The following TGOLN2 variants were observed in gnomAD, a reference collection of about 807,000 sequenced individuals.
TGOLN2 encodes the protein trans-Golgi network integral membrane protein 2.
Under a neutral mutation model 31.3 loss-of-function variants are expected in TGOLN2, and 19 were observed. The ratio of observed to expected loss-of-function variants is 0.61; its 90% confidence interval spans 0.42 to 0.89. The LOEUF is 0.89. Ranked by LOEUF, TGOLN2 falls within the 40% of genes least tolerant of loss-of-function variation. The probability of loss-of-function intolerance (pLI) is 0.00; values close to 1 mark genes in which losing one functional copy is unlikely to be tolerated. For missense variants in TGOLN2, 540 were observed against 559.2 expected, an observed-to-expected ratio of 0.97 and a Z score of 0.35; for synonymous variants, 222 against 226.7, an observed-to-expected ratio of 0.98 and a Z score of 0.19.
In TGOLN2 at chr2:85,326,796, A is replaced by C. The variant is rs1682748446; in HGVS notation, c.936T>G (p.Val312=). Reference sequence around the variant, plus strand: ...CATCCTCAGTAGGCTCTGAAGACTTAACTTCCTCCTGCGGGGGAGAAATGA... The same window carrying C: ...CATCCTCAGTAGGCTCTGAAGACTTCACTTCCTCCTGCGGGGGAGAAATGA... ...TDLISPPQEE[V]KSSEPTEDVE... is the part of the protein sequence containing the mutation. Residue 312 remains valine, a synonymous_variant, in exon 2 of 4, where the codon GTT becomes GTG. Coordinates refer to ENST00000377386, the MANE Select transcript of TGOLN2 (RefSeq NM_006464.4). 1 of 1,613,992 alleles carries C rather than the reference A, an allele frequency of 6.2e-7. No individual in the cohort carries two copies. The highest frequency in any genetic ancestry group is 2.2e-5 in the East Asian group (1 of 44,874).
At position 85,327,187 on chromosome 2, in the gene TGOLN2, G is replaced by A. The variant is rs976929094; in HGVS notation, c.545C>T (p.Ser182Leu). ...AQTTKDVPNKSGADGQTPKDG... is the reference protein window; with the variant it reads ...AQTTKDVPNKLGADGQTPKDG... ...TTTTGGGGTCTGGCCGTCCGCACCC[G>A]ACTTATTAGGGACATCTTTTGTGGT... Residue 182 changes from serine to leucine, a missense_variant, in exon 2 of 4, where the codon TCG (serine) becomes TTG (leucine). Physicochemically the swap from Ser to Leu is moderately radical, Grantham distance 145. Transcript: ENST00000377386. 15 of 1,613,266 alleles carry A rather than the reference G, an allele frequency of 9.3e-6. No homozygotes were observed. Among genetic ancestry groups the A allele is most frequent in the African/African-American group, 1.3e-5 (1 of 74,664 alleles).
At position 85,324,947 on chromosome 2, in the gene TGOLN2, T is replaced by C; in HGVS notation, c.1276A>G (p.Lys426Glu). The C allele has an allele frequency of 6.4e-7, 1 of 1,555,416 alleles. No individual in the cohort carries two copies. Among genetic ancestry groups the C allele is most frequent in the Non-Finnish European group, 8.7e-7 (1 of 1,148,628 alleles). The change falls in exon 3 of 4, where the codon AAG becomes GAG. Residue 426 changes from lysine to glutamate, a missense_variant. Physicochemically the swap from Lys to Glu is moderately conservative, Grantham distance 56. Coordinates refer to ENST00000377386, the MANE Select transcript of TGOLN2 (RefSeq NM_006464.4). ...GKRSKVTRRP[K>E]ASDYQRLDQK... Reference sequence around the variant, plus strand: ...TCCAAACGTTGGTAGTCACTGGCCTTTGGCCGCCGGGTGACTTTAGATCTT... The same window carrying C: ...TCCAAACGTTGGTAGTCACTGGCCTCTGGCCGCCGGGTGACTTTAGATCTT...
chr2:85,323,206 G>A (rs1285942757), intron 3 of TGOLN2, among the ~76,000 whole-genome samples: 2 of 152,216 alleles, frequency 1.3e-5, no homozygotes, highest in African/African-American at 4.8e-5. Context: ...GACCTCAGGT[G>A]ATCTGCCTCC....
Position 85,326,694 on chromosome 2 carries a change from CAT to C in TGOLN2, c.1036_1037del (p.Met346ValfsTer7). 1.2e-6 allele frequency: 2 copies of C among 1,614,052 alleles called. No homozygotes were observed. Among genetic ancestry groups the C allele is most frequent in the Non-Finnish European group, 1.7e-6 (2 of 1,179,896 alleles). On this transcript the variant is annotated frameshift_variant, in exon 2 of 4. Coordinates refer to ENST00000377386, the MANE Select transcript of TGOLN2 (RefSeq NM_006464.4). LOFTEE classifies it high-confidence loss of function. Reference sequence around the variant, plus strand: ...GGTTCTCACTGGAGGCAGAACCGGACATCTTTTCTTTCTCTTCTTTGGGCGGT... The same window carrying C: ...GGTTCTCACTGGAGGCAGAACCGGACCTTTTCTTTCTCTTCTTTGGGCGGT... ...GSPPKEEKEK[M>X]SGSASSENRE...
intron 3 of TGOLN2, among the ~76,000 whole-genome samples, chr2:85,323,541 G>A (rs1682620798): frequency 6.6e-6 from 1 of 152,170 alleles, no homozygotes; most frequent in Non-Finnish European, 1.5e-5. Context: ...ACTCCAGCCT[G>A]GACGACACAG....
chr2:85,327,863 G>A, intron 1 of TGOLN2, 54 bp downstream of exon 1: 2 of 1,579,560 alleles, frequency 1.3e-6, no homozygotes, highest in Non-Finnish European at 1.7e-6. Context: ...GACCTGCCCA[G>A]GTGAGAATGG....
Position 85,320,677 on chromosome 2 carries a change from A to C in TGOLN2, c.*2059T>G, listed in dbSNP as rs1682515840. ...AAAGACTTGGGAATCACTCACTCCG[A>C]GGATGAAGAATGGGTTAATGGCTGA... On this transcript the variant is annotated 3_prime_UTR_variant, in exon 4 of 4. Coordinates refer to ENST00000377386, the MANE Select transcript of TGOLN2 (RefSeq NM_006464.4). The C allele has an allele frequency of 6.6e-6, 1 of 152,204 alleles. No homozygotes were observed. Among genetic ancestry groups the C allele is most frequent in the East Asian group, 1.9e-4 (1 of 5,198 alleles). 9.4% of individuals were successfully genotyped at this position (152,204 alleles called of 1,614,324 possible). A position where few individuals can be genotyped will look rare whatever the true frequency, so the allele number is the denominator to read the frequency against.
intron 3 of TGOLN2, among the ~76,000 whole-genome samples, chr2:85,324,157 T>C (rs1682647791): frequency 6.6e-6 from 1 of 152,180 alleles, no homozygotes; most frequent in Non-Finnish European, 1.5e-5. Flanking sequence ...GCACGGTGGC[T>C]TATGCCTGTA....
In TGOLN2 at chr2:85,327,176, C is replaced by T. The variant is rs1490705702; in HGVS notation, c.556G>A (p.Gly186Ser). 1.9e-6 allele frequency: 3 copies of T among 1,612,240 alleles called. No homozygotes were observed. In the African/African-American group the frequency reaches 4.0e-5, roughly 22 times the overall value. Reference protein sequence around the residue: ...KDVPNKSGADGQTPKDGSSKS... With the variant: ...KDVPNKSGADSQTPKDGSSKS... ...CTGGAGCCGTCTTTTGGGGTCTGGC[C>T]GTCCGCACCCGACTTATTAGGGACA... Residue 186 changes from glycine (G) to serine (S), a missense_variant, in exon 2 of 4, where the codon GGC becomes AGC. Physicochemically the swap from Gly to Ser is moderately conservative, Grantham distance 56. Transcript: ENST00000377386.
At chr2:85,325,563 G>C (rs1445263278) in intron 2 of TGOLN2, among the ~76,000 whole-genome samples, 1 of 151,688 alleles carries the variant, frequency 6.6e-6, no homozygotes, top group East Asian at 1.9e-4. Context: ...CTGAAGCCTC[G>C]ACCTCCCACA....
In TGOLN2 at chr2:85,326,595, G is replaced by T. The variant is rs753972906; in HGVS notation, c.1137C>A (p.Ser379Arg). 1 of 1,613,860 alleles carries T rather than the reference G, an allele frequency of 6.2e-7. No individual in the cohort carries two copies. The highest frequency in any genetic ancestry group is 8.5e-7 in the Non-Finnish European group (1 of 1,179,910). ...ATGCAAAGAAGTGGCTGCTCTCCGC[G>T]CTGCCATTTCCAGAACCGTTCGGAT... Reference protein sequence around the residue: ...DLYPNGSGNGSAESSHFFAYL... With the variant: ...DLYPNGSGNGRAESSHFFAYL... The change falls in exon 2 of 4, where the codon AGC becomes AGA. Residue 379 changes from serine to arginine, a missense_variant. Physicochemically the swap from Ser to Arg is moderately radical, Grantham distance 110 (BLOSUM62 -1). Coordinates refer to ENST00000377386, the MANE Select transcript of TGOLN2 (RefSeq NM_006464.4).
Position 85,327,277 on chromosome 2 carries a change from T to A in TGOLN2, c.455A>T (p.Asn152Ile). The change falls in exon 2 of 4, where the codon AAC becomes ATC. Residue 152 changes from asparagine (N) to isoleucine (I), a missense_variant. By Grantham distance (149) the Asn-to-Ile change is moderately radical. Coordinates refer to ENST00000377386, the MANE Select transcript of TGOLN2 (RefSeq NM_006464.4). Reference protein sequence around the residue: ...AEAQTPEDSPNRSGAEAKTQK... With the variant: ...AEAQTPEDSPIRSGAEAKTQK... ...GGTCTTTGCCTCCGCACCCGACCTG[T>A]TGGGGCTGTCTTCTGGGGTCTGCGC... The A allele has an allele frequency of 6.2e-7, 1 of 1,610,892 alleles. No homozygotes were observed. Among genetic ancestry groups the A allele is most frequent in the African/African-American group, 1.3e-5 (1 of 74,758 alleles).
In TGOLN2 at chr2:85,322,747, G is replaced by A. The variant is rs1682591788; in HGVS notation, c.1309-6C>T. 1.2e-6 allele frequency: 2 copies of A among 1,610,890 alleles called. No individual in the cohort carries two copies. The highest frequency in any genetic ancestry group is 2.7e-5 in the African/African-American group (2 of 74,752). ...AATATACCATTCTGTTAGGACTTAGGGGAAAAAAGATCTTTTAGGAGGTGC... is the reference window on the plus strand; with the variant it reads ...AATATACCATTCTGTTAGGACTTAGAGGAAAAAAGATCTTTTAGGAGGTGC... On this transcript the variant is annotated splice_polypyrimidine_tract_variant and splice_region_variant and intron_variant, in intron 3 of 3. Coordinates refer to ENST00000377386, the MANE Select transcript of TGOLN2 (RefSeq NM_006464.4).
chr2:85,327,735 G>C, intron 1 of TGOLN2, 50 bp from the exon 2 acceptor site: 1 of 1,302,308 alleles, frequency 7.7e-7, no homozygotes, highest in South Asian at 1.2e-5. Context: ...CGGGAAGAAG[G>C]AACTCCTCAG....
intron 3 of TGOLN2, 134 bp downstream of exon 3, chr2:85,324,781 T>TGCAACA (rs1469869291): frequency 7.7e-6 from 6 of 775,780 alleles, no homozygotes; most frequent in African/African-American, 1.7e-5. Context: ...AAAGGGCGAA[T>TGCAACA]GCAACAGCAA....
At position 85,327,441 on chromosome 2, in the gene TGOLN2, C is replaced by G; in HGVS notation, c.291G>C (p.Lys97Asn). The G allele has an allele frequency of 1.2e-6, 2 of 1,613,008 alleles. No homozygotes were observed. The highest frequency in any genetic ancestry group is 1.7e-6 in the Non-Finnish European group (2 of 1,179,370). The part of the protein sequence containing the change: ...EAKTQKDSSN[K>N]SGAEAKTQKG... ...TTTGGGTCTTTGCCTCCGCACCCGA[C>G]TTGTTGGAGCTGTCTTTTTGGGTCT... Residue 97 changes from lysine to asparagine, a missense_variant, in exon 2 of 4, where the codon AAG (lysine) becomes AAC (asparagine). Coordinates refer to ENST00000377386, the MANE Select transcript of TGOLN2 (RefSeq NM_006464.4).
intron 1 of TGOLN2, 91 bp from the exon 2 acceptor site, chr2:85,327,776 T>A: frequency 1.7e-5 from 5 of 290,412 alleles, no homozygotes; most frequent in African/African-American, 1.3e-4. Context: ...AGCGGGGGAA[T>A]GGGGATTGGG....
chr2:85,325,055 T>C, intron 2 of TGOLN2, 57 bp from the exon 3 acceptor site: 1 of 1,501,918 alleles, frequency 6.7e-7, no homozygotes, highest in Non-Finnish European at 9.1e-7. Context: ...CATAGTTCAG[T>C]CTCTGAACTC....
At position 85,327,562 on chromosome 2, in the gene TGOLN2, T is replaced by C. The variant is rs1337567368; in HGVS notation, c.170A>G (p.His57Arg). 6.2e-7 allele frequency: 1 copy of C among 1,614,062 alleles called. No homozygotes were observed. Among genetic ancestry groups the C allele is most frequent in the African/African-American group, 1.3e-5 (1 of 75,058 alleles). ...SQRPGGSTKSHPEPQTPKDSP... is the reference protein window; with the variant it reads ...SQRPGGSTKSRPEPQTPKDSP... ...GTCTTTTGGAGTCTGCGGCTCCGGA[T>C]GCGACTTGGTAGAGCCTCCAGGCCG... Residue 57 changes from histidine (H) to arginine (R), a missense_variant, in exon 2 of 4, where the codon CAT becomes CGT. By Grantham distance (29) the His-to-Arg change is conservative (BLOSUM62 0). Coordinates refer to ENST00000377386, the MANE Select transcript of TGOLN2 (RefSeq NM_006464.4).
Sources: gnomAD v4.1 joint callset for allele counts (sites outside exome capture counted in the v4.1 genomes callset) on GRCh38, gnomAD v4.1.1 for gene constraint, MANE v1.5 for transcripts, NCBI Gene and HGNC (gene_info 2026-07-23, HGNC 2026-07-21) for gene names.